ZMIZ1: variants seen among roughly 807,000 people sequenced by gnomAD.
ZMIZ1 encodes the protein zinc finger MIZ-type containing 1.
Under a neutral mutation model 113.9 loss-of-function variants are expected in ZMIZ1, and 17 were observed. The observed-to-expected ratio is 0.15, with a 90% confidence interval of 0.10 to 0.22. ZMIZ1 has a LOEUF of 0.22. Among genes scored for constraint, ZMIZ1 ranks in the 10% least tolerant of loss-of-function variants. The pLI is 1.00. For synonymous variants in ZMIZ1, 607 were observed against 603.1 expected (o/e 1.01, Z -0.09); for missense variants, 1,059 against 1,477.8 (o/e 0.72, Z 4.65).
intron 24 of ZMIZ1, 72 bp from the exon 25 acceptor site, chr10:79,312,570 C>T (rs1855259936): frequency 1.3e-6 from 2 of 1,534,548 alleles, no homozygotes; most frequent in Non-Finnish European, 1.8e-6. Flanking sequence ...GCCAGGGCGC[C>T]CCTGCATTCC....
At chr10:79,070,608 A>G (rs1842237661) in intron 1 of ZMIZ1, among the ~76,000 whole-genome samples, 1 of 151,952 alleles carries the variant, frequency 6.6e-6, no homozygotes, top group African/African-American at 2.4e-5. Context: ...ACCTGCAGCA[A>G]ACTTTTTCCT....
At chr10:79,155,094 C>T (rs1845856933) in intron 3 of ZMIZ1, among the ~76,000 whole-genome samples, 1 of 152,214 alleles carries the variant, frequency 6.6e-6, no homozygotes, top group Non-Finnish European at 1.5e-5. Context: ...AGTGTCAGAG[C>T]TGAGGCCTCT....
intron 3 of ZMIZ1, among the ~76,000 whole-genome samples, chr10:79,149,285 TG>T (rs1230509612): frequency 2.0e-5 from 3 of 152,250 alleles, no homozygotes; most frequent in Non-Finnish European, 4.4e-5. Context: ...GTCGGCCAGC[TG>T]GAAGAGTCCT....
At chr10:79,120,997 A>G (rs980204814) in intron 2 of ZMIZ1, among the ~76,000 whole-genome samples, 4 of 152,142 alleles carry the variant, frequency 2.6e-5, no homozygotes, top group Admixed American at 6.5e-5. Context: ...AGACTGGCAC[A>G]TTGCCTCCAT....
intron 21 of ZMIZ1, 99 bp downstream of exon 21, chr10:79,305,700 C>A: frequency 7.9e-7 from 1 of 1,259,690 alleles, no homozygotes; most frequent in Non-Finnish European, 1.2e-6. Flanking sequence ...CCCTCCCCTC[C>A]CAGGCCAGCA....
chr10:79,282,816 C>T (rs1224262413), intron 8 of ZMIZ1, among the ~76,000 whole-genome samples: 2 of 152,216 alleles, frequency 1.3e-5, no homozygotes, highest in Non-Finnish European at 2.9e-5. Flanking sequence ...CCTGTTTTGT[C>T]CTCATCACTG....
At chr10:79,255,562 G>C (rs1024610256) in intron 7 of ZMIZ1, among the ~76,000 whole-genome samples, 2 of 152,016 alleles carry the variant, frequency 1.3e-5, no homozygotes, top group Admixed American at 6.6e-5. Context: ...GTCCCTGCCC[G>C]CTCCCCTCTT....
chr10:79,181,460 T>G lies in ZMIZ1; in HGVS notation c.-50+19327T>G, dbSNP rs920885184. On this transcript the variant is annotated intron_variant, in intron 4 of 24. Coordinates refer to ENST00000334512, the MANE Select transcript of ZMIZ1 (RefSeq NM_020338.4). ...CAGAGGCAGGAGCAACCCCAGCACC[T>G]CCTTGGGGCGGAGGCATCCCAGGGG... Among the ~76,000 whole-genome samples, 35 of 152,266 alleles carry G rather than the reference T, an allele frequency of 2.3e-4. No homozygotes were observed. The Middle Eastern group carries it at 0.02, about 89-fold the overall frequency.
At chr10:79,178,512 G>A (rs773546012) in intron 4 of ZMIZ1, among the ~76,000 whole-genome samples, 8 of 152,166 alleles carry the variant, frequency 5.3e-5, no homozygotes, top group Non-Finnish European at 1.0e-4. Flanking sequence ...GCTGGGCGGG[G>A]GTGAAGGAGG....
At position 79,139,702 on chromosome 10, in the gene ZMIZ1, T is replaced by C. The variant is rs1420891765; in HGVS notation, c.-206T>C. The C allele has an allele frequency of 2.0e-5, 8 of 398,808 alleles. No homozygotes were observed. The South Asian group carries it at 6.4e-4, about 32-fold the overall frequency. 24.7% of individuals were successfully genotyped at this position (398,808 alleles called of 1,614,324 possible). ...CCCAGGAGGAAGAGGAGGAGGCCCGTTGGCGTCGGACCAATGCTGCAAGGG... is the reference window on the plus strand; with the variant it reads ...CCCAGGAGGAAGAGGAGGAGGCCCGCTGGCGTCGGACCAATGCTGCAAGGG... On this transcript the variant is annotated 5_prime_UTR_variant, in exon 3 of 25. Coordinates refer to ENST00000334512, the MANE Select transcript of ZMIZ1 (RefSeq NM_020338.4).
At chr10:79,228,801 G>A (rs1311021010) in intron 7 of ZMIZ1, among the ~76,000 whole-genome samples, 1 of 152,218 alleles carries the variant, frequency 6.6e-6, no homozygotes, top group East Asian at 1.9e-4. Context: ...AGAATTGGGG[G>A]TAGCCTAGGA....
intron 3 of ZMIZ1, among the ~76,000 whole-genome samples, chr10:79,161,344 T>C (rs1278025066): frequency 6.6e-6 from 1 of 152,234 alleles, no homozygotes; most frequent in East Asian, 1.9e-4. Context: ...CTGTGGCTCC[T>C]GCCCACCCTC....
At chr10:79,259,117 G>A (rs1366548959) in intron 7 of ZMIZ1, among the ~76,000 whole-genome samples, 2 of 152,192 alleles carry the variant, frequency 1.3e-5, no homozygotes, top group Admixed American at 6.5e-5. Flanking sequence ...CCAAGTGATG[G>A]ATGATGTGAG....
At chr10:79,259,706 C>T (rs1167246789) in intron 7 of ZMIZ1, among the ~76,000 whole-genome samples, 1 of 151,610 alleles carries the variant, frequency 6.6e-6, no homozygotes, top group African/African-American at 2.4e-5. Flanking sequence ...ACTTCTGCCT[C>T]CCAGGTTCAA....
chr10:79,157,143 G>A (rs1845930761), intron 3 of ZMIZ1, among the ~76,000 whole-genome samples: 1 of 152,160 alleles, frequency 6.6e-6, no homozygotes, highest in African/African-American at 2.4e-5. Flanking sequence ...AGGGGACTGC[G>A]GCTCCTGTTC....
chr10:79,298,584 A>T lies in ZMIZ1; in HGVS notation c.1666+4A>T. The T allele has an allele frequency of 3.1e-6, 5 of 1,593,450 alleles. No individual in the cohort carries two copies. The highest frequency in any genetic ancestry group is 4.3e-6 in the Non-Finnish European group (5 of 1,172,888). On this transcript the variant is annotated splice_donor_region_variant and intron_variant, in intron 15 of 24. Transcript: ENST00000334512. The stretch of plus-strand genomic sequence containing the variant: ...AGCGCTCTGCCACCACCCCCAGGTG[A>T]GGGCCCTCCCTCCCTCTCTTGGCAG...
At chr10:79,246,471 G>C (rs985287669) in intron 7 of ZMIZ1, among the ~76,000 whole-genome samples, 2 of 152,192 alleles carry the variant, frequency 1.3e-5, no homozygotes, top group Non-Finnish European at 2.9e-5. Flanking sequence ...TGGGTCCCTC[G>C]GGAGAGGCTG....
intron 2 of ZMIZ1, among the ~76,000 whole-genome samples, chr10:79,119,701 G>A (rs186698845): frequency 6.6e-6 from 1 of 152,320 alleles, no homozygotes; most frequent in Non-Finnish European, 1.5e-5. Flanking sequence ...GAAAAAGGGA[G>A]AGGGGCTTTT....
chr10:79,287,060 A>G (rs1317261506), intron 8 of ZMIZ1, among the ~76,000 whole-genome samples: 3 of 152,226 alleles, frequency 2.0e-5, no homozygotes, highest in Non-Finnish European at 4.4e-5. Flanking sequence ...CACCTAGGAC[A>G]TGGGCCTTGA....
Sources: allele counts gnomAD v4.1 joint callset (sites outside exome capture counted in the v4.1 genomes callset), GRCh38; gene constraint gnomAD v4.1.1; transcripts MANE v1.5; gene names NCBI Gene and HGNC (gene_info 2026-07-23, HGNC 2026-07-21).